The following PPARGC1A variants were observed in gnomAD, a reference collection of about 807,000 sequenced individuals.
PPARGC1A encodes the protein PPARG coactivator 1 alpha.
A neutral mutation model predicts 88.7 loss-of-function variants in PPARGC1A; 25 were observed. That is an observed-to-expected ratio of 0.28 (90% confidence interval 0.21 to 0.39). The LOEUF (loss-of-function observed/expected upper bound fraction) is 0.39. Among genes scored for constraint, PPARGC1A ranks in the 10% least tolerant of loss-of-function variants. PPARGC1A has a pLI of 1.00. For missense variants in PPARGC1A, 880 were observed against 968.7 expected (o/e 0.91, Z 1.22); for synonymous variants, 363 against 355.6 (o/e 1.02, Z -0.24).
At chr4:23,990,594 A>G in the PPARGC1A span, among the ~76,000 whole-genome samples, 2 of 152,208 alleles carry the variant, frequency 1.3e-5, no homozygotes, top group East Asian at 3.9e-4. Context: ...ACTGAGTTCC[A>G]GCTGAGAAGC....
chr4:24,456,026 T>C, the PPARGC1A span, among the ~76,000 whole-genome samples: 1 of 152,226 alleles, frequency 6.6e-6, no homozygotes, highest in East Asian at 1.9e-4. Context: ...TGGCAGCCAA[T>C]GTCACACTCA....
chr4:23,855,430 TG>T (rs1730021826), intron 2 of PPARGC1A, among the ~76,000 whole-genome samples: 1 of 152,218 alleles, frequency 6.6e-6, no homozygotes, highest in Non-Finnish European at 1.5e-5. Context: ...AGAAAGCATT[TG>T]TCAAATATAT....
chr4:24,259,737 C>A, the PPARGC1A span, among the ~76,000 whole-genome samples: 1 of 152,130 alleles, frequency 6.6e-6, no homozygotes, highest in African/African-American at 2.4e-5. Flanking sequence ...ATTCATGAAT[C>A]ACAGCATTAA....
At chr4:24,212,899 G>A in the PPARGC1A span, among the ~76,000 whole-genome samples, 3 of 152,112 alleles carry the variant, frequency 2.0e-5, no homozygotes, top group Admixed American at 1.3e-4. Context: ...ACCTAAGAGC[G>A]TGGTCATTTC....
chr4:24,184,447 C>T, the PPARGC1A span, among the ~76,000 whole-genome samples: 10 of 152,196 alleles, frequency 6.6e-5, no homozygotes, highest in African/African-American at 2.4e-4. Flanking sequence ...TTACCAGGTG[C>T]TTAATCCATA....
At chr4:24,437,606 G>A in the PPARGC1A span, among the ~76,000 whole-genome samples, 13 of 142,166 alleles carry the variant, frequency 9.1e-5, no homozygotes, top group African/African-American at 3.7e-4. Flanking sequence ...TGTTGTTGTT[G>A]TTGTTGTTGT....
chr4:23,981,911 A>G, the PPARGC1A span, among the ~76,000 whole-genome samples: 2 of 152,128 alleles, frequency 1.3e-5, no homozygotes, highest in South Asian at 4.1e-4. Context: ...ACATAAGAGT[A>G]ACTGAATCGA....
chr4:24,132,115 G>C, the PPARGC1A span, among the ~76,000 whole-genome samples: 72 of 152,256 alleles, frequency 4.7e-4, no homozygotes, highest in African/African-American at 1.5e-3. Flanking sequence ...CAACAACCCC[G>C]TGAGGGTGGT....
the PPARGC1A span, among the ~76,000 whole-genome samples, chr4:24,455,900 T>C: frequency 2.0e-5 from 3 of 152,218 alleles, no homozygotes; most frequent in African/African-American, 7.2e-5. Context: ...ACCCAGTCTG[T>C]GGTATTCTGT....
chr4:24,346,273 A>G, the PPARGC1A span, among the ~76,000 whole-genome samples: 1 of 152,164 alleles, frequency 6.6e-6, no homozygotes, highest in Non-Finnish European at 1.5e-5. Flanking sequence ...TGGTTTTGGT[A>G]TTAGGGTAAT....
chr4:23,910,914 C>G, the PPARGC1A span, among the ~76,000 whole-genome samples: 1 of 152,048 alleles, frequency 6.6e-6, no homozygotes, highest in African/African-American at 2.4e-5. Context: ...ACCTGGGCAG[C>G]CTGGTTCCAG....
the PPARGC1A span, among the ~76,000 whole-genome samples, chr4:23,976,970 AAAGG>A: frequency 6.6e-6 from 1 of 152,082 alleles, no homozygotes; most frequent in Admixed American, 6.6e-5. Flanking sequence ...AGGAAAAGGA[AAAGG>A]AAGAAGGAGG....
At chr4:24,155,882 C>A in the PPARGC1A span, among the ~76,000 whole-genome samples, 1 of 152,046 alleles carries the variant, frequency 6.6e-6, no homozygotes, top group Non-Finnish European at 1.5e-5. Flanking sequence ...ACAAGAGATC[C>A]AAGAAAGGAA....
At chr4:23,934,515 G>C in the PPARGC1A span, among the ~76,000 whole-genome samples, 20 of 152,296 alleles carry the variant, frequency 1.3e-4, no homozygotes, top group African/African-American at 4.8e-4. Flanking sequence ...CTAGTTACTT[G>C]GAACAATTGG....
chr4:24,464,516 G>A, the PPARGC1A span, among the ~76,000 whole-genome samples: 1 of 152,146 alleles, frequency 6.6e-6, no homozygotes, highest in Admixed American at 6.5e-5. Flanking sequence ...TTGTTGGTTA[G>A]CTTTTTCTTT....
chr4:24,141,698 GC>G, the PPARGC1A span, among the ~76,000 whole-genome samples: 1 of 152,182 alleles, frequency 6.6e-6, no homozygotes, highest in Non-Finnish European at 1.5e-5. Flanking sequence ...AAGGAATGTT[GC>G]TTGTTTTTAT....
chr4:24,083,849 CG>C, the PPARGC1A span, among the ~76,000 whole-genome samples: 1 of 152,174 alleles, frequency 6.6e-6, no homozygotes, highest in Non-Finnish European at 1.5e-5. Flanking sequence ...TCAAGGGCAG[CG>C]TCTGCATCTT....
At chr4:24,030,280 T>C in the PPARGC1A span, among the ~76,000 whole-genome samples, 3 of 152,186 alleles carry the variant, frequency 2.0e-5, no homozygotes, top group Non-Finnish European at 4.4e-5. Flanking sequence ...GATATCTGAA[T>C]GCATCTGAAA....
the PPARGC1A span, among the ~76,000 whole-genome samples, chr4:24,118,078 G>A: frequency 5.8e-4 from 88 of 152,240 alleles, no homozygotes; most frequent in African/African-American, 1.3e-3. Context: ...CCTCTGATCC[G>A]TAGGAGGTGA....
Sources: allele counts gnomAD v4.1 joint callset (sites outside exome capture counted in the v4.1 genomes callset), GRCh38; gene constraint gnomAD v4.1.1; transcripts MANE v1.5; gene names NCBI Gene and HGNC (gene_info 2026-07-23, HGNC 2026-07-21).